DPH6: variants seen among roughly 807,000 people sequenced by gnomAD.
DPH6 encodes diphthamine biosynthesis 6.
Under a neutral mutation model 38.2 loss-of-function variants are expected in DPH6, and 33 were observed. The observed-to-expected ratio is 0.86, with a 90% confidence interval of 0.65 to 1.15. The LOEUF is 1.15. Ranked by LOEUF, DPH6 falls within the 50% of genes most tolerant of loss-of-function variation. The pLI is 0.00. For synonymous variants in DPH6, 108 were observed against 103.0 expected (o/e 1.05, Z -0.30); for missense variants, 325 against 320.0 (o/e 1.02, Z -0.12).
At chr15:35,185,301 A>G in the DPH6 span, among the ~76,000 whole-genome samples, 1 of 152,208 alleles carries the variant, frequency 6.6e-6, no homozygotes, top group Non-Finnish European at 1.5e-5. Context: ...TTGAAGGGGT[A>G]GTCATCAAAA....
At chr15:35,212,832 C>CTAA (rs573280551), downstream of DPH6, among the ~76,000 whole-genome samples, 494 of 152,240 alleles carry the variant, frequency 3.2e-3, 2 homozygotes, top group Non-Finnish European at 3.6e-3. Context: ...ATTTTGATAT[C>CTAA]TAATGTAAAT....
downstream of DPH6, among the ~76,000 whole-genome samples, chr15:35,368,510 CTA>C (rs1211320701): frequency 6.6e-6 from 1 of 151,820 alleles, no homozygotes; most frequent in Non-Finnish European, 1.5e-5. Flanking sequence ...GTGAAACTGA[CTA>C]TAGAGAATAT....
chr15:35,372,174 T>A lies in DPH6; in HGVS notation c.780A>T (p.Thr260=). The A allele has an allele frequency of 6.6e-7, 1 of 1,522,838 alleles. No individual in the cohort carries two copies. Among genetic ancestry groups the A allele is most frequent in the Non-Finnish European group, 8.8e-7 (1 of 1,138,426 alleles). 94.3% of individuals were successfully genotyped at this position (1,522,838 alleles called of 1,614,324 possible). A position where few individuals can be genotyped will look rare whatever the true frequency, so the allele number is the denominator to read the frequency against. The change falls in exon 9 of 9, where the codon ACA becomes ACT. Residue 260 remains threonine, a synonymous_variant. Coordinates refer to ENST00000256538, the MANE Select transcript of DPH6 (RefSeq NM_080650.4). ...KVSSVPDNYR[T]SNYIYNF is the part of the protein sequence containing the mutation. ...TTCAAAAATTATATATATAATTAGA[T>A]GTTCTGTAGTTGTCAGGCACTGAGG...
intron 3 of DPH6, among the ~76,000 whole-genome samples, chr15:35,307,350 A>G (rs2052100287): frequency 2.6e-5 from 4 of 152,294 alleles, no homozygotes; most frequent in South Asian, 4.1e-4. Context: ...AGAATTCTCT[A>G]TTATTAAAGA....
intron 3 of DPH6, among the ~76,000 whole-genome samples, chr15:35,355,638 T>C (rs1453519432): frequency 6.6e-6 from 1 of 152,262 alleles, no homozygotes; most frequent in Non-Finnish European, 1.5e-5. Flanking sequence ...GCTTGTAGTT[T>C]CTGCCGAGAG....
rs1467883229 is a variant in DPH6, at chr15:35,496,565, A to ATATATATATAT, written c.312+41708_312+41709insATATATATATA. Among the ~76,000 whole-genome samples, 19 of 20,136 alleles carry ATATATATATAT rather than the reference A, an allele frequency of 9.4e-4. No individual in the cohort carries two copies. The South Asian group carries it at 0.016, about 17-fold the overall frequency. The allele number at this position is 20,136 out of a possible 152,430, so 13.2% of individuals were successfully genotyped here. On this transcript the variant is annotated intron_variant, in intron 3 of 8. Coordinates refer to ENST00000256538, the MANE Select transcript of DPH6 (RefSeq NM_080650.4). Reference sequence around the variant, plus strand: ...ACGAAAGTTCCATCTCAAAAAAAAAAAAATATATATATATATATATATATA... The same window carrying ATATATATATAT: ...ACGAAAGTTCCATCTCAAAAAAAAAATATATATATATAAATATATATATATATATATATATA...
intron 3 of DPH6, among the ~76,000 whole-genome samples, chr15:35,288,423 A>AT (rs2051957857): frequency 6.6e-6 from 1 of 152,220 alleles, no homozygotes; most frequent in Non-Finnish European, 1.5e-5. Context: ...CTAGTCATTC[A>AT]TTGTATGTAT....
chr15:35,352,550 G>A (rs965743656), intron 3 of DPH6, among the ~76,000 whole-genome samples: 73 of 152,054 alleles, frequency 4.8e-4, no homozygotes, highest in Non-Finnish European at 9.3e-4. Flanking sequence ...TTGTCCTTGC[G>A]ATAGTTTGCT....
the DPH6 span, among the ~76,000 whole-genome samples, chr15:35,193,400 ATG>A: frequency 6.6e-6 from 1 of 151,932 alleles, no homozygotes; most frequent in East Asian, 1.9e-4. Flanking sequence ...AATTAATAAT[ATG>A]TAGATAATAT....
rs146494672 is a variant in DPH6 at position 35,293,357 on chromosome 15, A to C, written n.201-72775T>G. ...AAACCGGAACTATTTTCTTTAAAAA[A>C]ATAGGCTTATCTCCTTTTCCTGTAT... is the stretch of plus-strand genomic sequence containing the variant. On this transcript the variant is annotated intron_variant and non_coding_transcript_variant, in intron 3 of 3. Coordinates refer to the DPH6 transcript ENST00000560386. Among the ~76,000 whole-genome samples the C allele has an allele frequency of 2.8e-3, 425 of 152,346 alleles. 1 individual carries two copies. Among genetic ancestry groups the C allele is most frequent in the African/African-American group, 9.6e-3 (401 of 41,586 alleles).
intron 3 of DPH6, among the ~76,000 whole-genome samples, chr15:35,293,221 G>T (rs1276602488): frequency 6.6e-6 from 1 of 151,984 alleles, no homozygotes; most frequent in Non-Finnish European, 1.5e-5. Context: ...AACAAATAGG[G>T]ACTTTTTCCA....
At chr15:35,533,198 G>A (rs2055115148) in intron 3 of DPH6, among the ~76,000 whole-genome samples, 1 of 151,798 alleles carries the variant, frequency 6.6e-6, no homozygotes, top group Admixed American at 6.6e-5. Context: ...CACTGCCACA[G>A]TTCACCCTTC....
downstream of DPH6, among the ~76,000 whole-genome samples, chr15:35,214,226 G>A (rs997446426): frequency 6.6e-5 from 10 of 152,144 alleles, no homozygotes; most frequent in African/African-American, 2.4e-4. Flanking sequence ...ACAGGCGGTG[G>A]TGTCCTCAAA....
At chr15:35,238,951 C>T (rs557041390) in intron 3 of DPH6, among the ~76,000 whole-genome samples, 1 of 147,856 alleles carries the variant, frequency 6.8e-6, no homozygotes, top group Admixed American at 7.0e-5. Context: ...CCCTTATCTC[C>T]CTTTGCTGAC....
At chr15:35,290,965 C>T (rs770800300) in intron 3 of DPH6, among the ~76,000 whole-genome samples, 2 of 151,948 alleles carry the variant, frequency 1.3e-5, no homozygotes, top group South Asian at 4.1e-4. Context: ...CACCATGTAA[C>T]TTACAGACAA....
At chr15:35,367,600 T>C (rs528788110), downstream of DPH6, among the ~76,000 whole-genome samples, 1 of 151,986 alleles carries the variant, frequency 6.6e-6, no homozygotes, top group African/African-American at 2.4e-5. Context: ...TTCTCCGTTT[T>C]TATCTCACAG....
intron 3 of DPH6, among the ~76,000 whole-genome samples, chr15:35,480,671 A>G (rs921548077): frequency 1.2e-4 from 18 of 151,504 alleles, no homozygotes; most frequent in Non-Finnish European, 1.9e-4. Context: ...TAATTCCACT[A>G]ACATAATTTA....
intron 3 of DPH6, among the ~76,000 whole-genome samples, chr15:35,358,832 T>A (rs1345549430): frequency 6.6e-6 from 1 of 152,086 alleles, no homozygotes; most frequent in African/African-American, 2.4e-5. Context: ...CTTTGGTGGT[T>A]TAATGTTCAA....
At chr15:35,394,297 A>G (rs2140964708) in intron 6 of DPH6, among the ~76,000 whole-genome samples, 1 of 152,302 alleles carries the variant, frequency 6.6e-6, no homozygotes, top group East Asian at 1.9e-4. Context: ...CTTATTTAAT[A>G]CTCAAAATGA....
Sources: allele counts gnomAD v4.1 joint callset (sites outside exome capture counted in the v4.1 genomes callset), GRCh38; gene constraint gnomAD v4.1.1; transcripts MANE v1.5; gene names NCBI Gene and HGNC (gene_info 2026-07-23, HGNC 2026-07-21).